The following GNB4 variants were observed in gnomAD, a reference collection of about 807,000 sequenced individuals.
GNB4 encodes the protein guanine nucleotide-binding protein subunit beta-4.
GNB4 carries 28 observed loss-of-function variants against 45.2 expected under a neutral mutation model. That is an observed-to-expected ratio of 0.62 (90% CI 0.46 to 0.85). GNB4 has a LOEUF of 0.85. Ranked by LOEUF, GNB4 falls within the 40% of genes least tolerant of loss-of-function variation. GNB4 has a pLI of 0.00. For missense variants in GNB4, 321 were observed against 425.4 expected (o/e 0.75, Z 2.16); for synonymous variants, 132 against 143.7 (o/e 0.92, Z 0.58).
At chr3:179,524,544 G>A in the GNB4 span, among the ~76,000 whole-genome samples, 1 of 151,764 alleles carries the variant, frequency 6.6e-6, no homozygotes, top group Admixed American at 6.6e-5. Flanking sequence ...CACCTTGAAG[G>A]CGAGGTGAAT....
At chr3:179,498,332 C>T in the GNB4 span, among the ~76,000 whole-genome samples, 1 of 152,196 alleles carries the variant, frequency 6.6e-6, no homozygotes, top group East Asian at 1.9e-4. Context: ...AGAAGTTAAA[C>T]TGCAAGACAG....
chr3:179,438,510 T>C (rs1331228377), intron 1 of GNB4, among the ~76,000 whole-genome samples: 1 of 152,252 alleles, frequency 6.6e-6, no homozygotes, highest in Non-Finnish European at 1.5e-5. Flanking sequence ...GAAGAAGCTA[T>C]AGCCATGAAC....
the GNB4 span, among the ~76,000 whole-genome samples, chr3:179,515,048 G>C: frequency 6.6e-6 from 1 of 152,188 alleles, no homozygotes; most frequent in Admixed American, 6.5e-5. Flanking sequence ...GTGAGAGCCT[G>C]ATATTGAAAA....
At chr3:179,404,553 G>A (rs913015962) in intron 9 of GNB4, among the ~76,000 whole-genome samples, 1 of 152,170 alleles carries the variant, frequency 6.6e-6, no homozygotes, top group African/African-American at 2.4e-5. Context: ...GGGGAGAGAG[G>A]AGGGGTAGGT....
chr3:179,437,572 A>C (rs528138202), intron 1 of GNB4, among the ~76,000 whole-genome samples: 4 of 152,134 alleles, frequency 2.6e-5, no homozygotes, highest in South Asian at 4.2e-4. Context: ...CAAAAAAAAA[A>C]CAAAAACAGA....
the GNB4 span, among the ~76,000 whole-genome samples, chr3:179,488,272 C>G: frequency 6.6e-6 from 1 of 152,146 alleles, no homozygotes; most frequent in Non-Finnish European, 1.5e-5. Flanking sequence ...CATACAGGAC[C>G]TAACTGTAAT....
At chr3:179,403,806 A>AAAAAT (rs766532315) in intron 9 of GNB4, among the ~76,000 whole-genome samples, 1,672 of 150,536 alleles carry the variant, frequency 0.011, 28 homozygotes, top group Middle Eastern at 0.021. Context: ...TCAAAAAAAT[A>AAAAAT]AAATAAAATA....
chr3:179,488,762 C>T, the GNB4 span, among the ~76,000 whole-genome samples: 1 of 151,492 alleles, frequency 6.6e-6, no homozygotes, highest in Non-Finnish European at 1.5e-5. Flanking sequence ...AGGGCCAGAT[C>T]GCTTGAGCTC....
chr3:179,475,309 A>G, the GNB4 span, among the ~76,000 whole-genome samples: 131 of 151,498 alleles, frequency 8.6e-4, no homozygotes, highest in Non-Finnish European at 1.6e-3. Flanking sequence ...ATAATTGCAG[A>G]CAGGTTTCAC....
At chr3:179,471,365 TC>T in the GNB4 span, among the ~76,000 whole-genome samples, 2,358 of 152,270 alleles carry the variant, frequency 0.015, 28 homozygotes, top group South Asian at 0.051. Flanking sequence ...CAACTTTCAG[TC>T]CCGCAAGCCC....
the GNB4 span, among the ~76,000 whole-genome samples, chr3:179,488,339 G>A: frequency 6.6e-6 from 1 of 152,150 alleles, no homozygotes; most frequent in Admixed American, 6.5e-5. Context: ...AGTAACATGT[G>A]TGTTTTTTCA....
At chr3:179,409,932 CCCA>C (rs1231952136) in intron 8 of GNB4, among the ~76,000 whole-genome samples, 2 of 152,094 alleles carry the variant, frequency 1.3e-5, no homozygotes, top group Non-Finnish European at 2.9e-5. Context: ...TCCCCAAATC[CCCA>C]CGTGTTGTGA....
At chr3:179,429,151 T>C (rs918183533) in intron 1 of GNB4, among the ~76,000 whole-genome samples, 6 of 152,208 alleles carry the variant, frequency 3.9e-5, no homozygotes, top group Admixed American at 3.9e-4. Flanking sequence ...TCTCTCAGGG[T>C]TGTTTTGCAA....
the GNB4 span, among the ~76,000 whole-genome samples, chr3:179,480,850 T>TTTC: frequency 6.6e-6 from 1 of 151,390 alleles, no homozygotes; most frequent in Non-Finnish European, 1.5e-5. Flanking sequence ...CATTTTTTTT[T>TTTC]TTTCTTTTTT....
chr3:179,521,669 C>T, the GNB4 span, among the ~76,000 whole-genome samples: 1 of 152,158 alleles, frequency 6.6e-6, no homozygotes, highest in South Asian at 2.1e-4. Flanking sequence ...CTCCTAACTC[C>T]CTCTTAAAGT....
the GNB4 span, among the ~76,000 whole-genome samples, chr3:179,484,836 A>ATG: frequency 0.16 from 24,214 of 146,800 alleles, 2,139 homozygotes; most frequent in African/African-American, 0.23. Flanking sequence ...AGCTATATAT[A>ATG]TGTGTGTGTG....
chr3:179,512,337 G>A, the GNB4 span, among the ~76,000 whole-genome samples: 2 of 152,066 alleles, frequency 1.3e-5, no homozygotes, highest in Non-Finnish European at 2.9e-5. Flanking sequence ...AGATAAACAA[G>A]ACTTTCAAAG....
the GNB4 span, among the ~76,000 whole-genome samples, chr3:179,488,631 A>AAAG: frequency 6.6e-6 from 1 of 152,098 alleles, no homozygotes; most frequent in African/African-American, 2.4e-5. Flanking sequence ...CTCTAACTAT[A>AAAG]AAGTATAGGT....
chr3:179,493,093 A>G, the GNB4 span, among the ~76,000 whole-genome samples: 2 of 152,228 alleles, frequency 1.3e-5, no homozygotes, highest in Admixed American at 6.5e-5. Flanking sequence ...CACTGAAAAC[A>G]GTCTATAAAG....
Sources: allele counts gnomAD v4.1 joint callset (sites outside exome capture counted in the v4.1 genomes callset), GRCh38; gene constraint gnomAD v4.1.1; transcripts MANE v1.5; gene names NCBI Gene and HGNC (gene_info 2026-07-23, HGNC 2026-07-21).